Variants in PARP8 observed in about 807,000 individuals in gnomAD.
The protein encoded by PARP8 is protein mono-ADP-ribosyltransferase PARP8.
PARP8 carries 51 observed loss-of-function variants against 124.1 expected under a neutral mutation model. That is an observed-to-expected ratio of 0.41 (90% CI 0.33 to 0.52). PARP8 has a LOEUF of 0.52. PARP8 is among the 20% of genes least tolerant of loss of function. The pLI, the probability that PARP8 is intolerant of heterozygous loss-of-function variation, is 0.21. For synonymous variants in PARP8, 391 were observed against 361.5 expected (o/e 1.08, Z -0.93); for missense variants, 860 against 1,018.9 (o/e 0.84, Z 2.12).
At chr5:50,689,720 G>T (rs116665628) in intron 2 of PARP8, among the ~76,000 whole-genome samples, 2 of 152,132 alleles carry the variant, frequency 1.3e-5, no homozygotes, top group Non-Finnish European at 2.9e-5. Flanking sequence ...CGAACACTTC[G>T]TGAGGTTGAT....
chr5:50,757,221 G>A (rs1329659393), intron 3 of PARP8: 2 of 454,174 alleles, frequency 4.4e-6, no homozygotes, highest in Admixed American at 2.4e-5. Context: ...AATGGGTAAA[G>A]TAGAAGAAAT....
At chr5:50,760,498 G>C (rs1359109268) in intron 5 of PARP8, 136 bp downstream of exon 5, 1 of 684,296 alleles carries the variant, frequency 1.5e-6, no homozygotes, top group African/African-American at 1.9e-5. Flanking sequence ...ATGGCTCAGG[G>C]GTGTTTGGTA....
rs557163125 is a variant in PARP8 at position 50,675,631 on chromosome 5, A to G, written c.146+7506A>G. Among the ~76,000 whole-genome samples the G allele has an allele frequency of 4.6e-5, 7 of 152,360 alleles. No homozygotes were observed. In the South Asian group the frequency reaches 1.0e-3, roughly 23 times the overall value. On this transcript the variant is annotated intron_variant, in intron 2 of 25. Coordinates refer to ENST00000281631, the MANE Select transcript of PARP8 (RefSeq NM_024615.4). ...CCCGGCCTGTTTTATTGTTTAAAAA[A>G]CAAGTACAGGTTGTTATTATCCAAG...
intron 10 of PARP8, among the ~76,000 whole-genome samples, chr5:50,792,648 A>G (rs1295243349): frequency 1.3e-5 from 2 of 152,080 alleles, no homozygotes; most frequent in Non-Finnish European, 2.9e-5. Context: ...TGATGATCTT[A>G]TTATTACATT....
chr5:50,832,317 CA>C (rs1747074198), intron 22 of PARP8, among the ~76,000 whole-genome samples: 1 of 151,856 alleles, frequency 6.6e-6, no homozygotes, highest in Non-Finnish European at 1.5e-5. Context: ...ATATTACAGA[CA>C]AAAAAACTTA....
At chr5:50,799,945 C>A (rs978950722) in intron 14 of PARP8, among the ~76,000 whole-genome samples, 1 of 152,186 alleles carries the variant, frequency 6.6e-6, no homozygotes, top group Non-Finnish European at 1.5e-5. Flanking sequence ...TTTATCTTCC[C>A]AGCCTTCAAA....
At chr5:50,772,679 CTTTTATTTTTATTTTTAT>C (rs370907172) in intron 7 of PARP8, among the ~76,000 whole-genome samples, 1 of 151,492 alleles carries the variant, frequency 6.6e-6, no homozygotes, top group Non-Finnish European at 1.5e-5. Context: ...GGTCTTTTGC[CTTTTATTTTTATTTTTAT>C]TTTTATTTTT....
chr5:50,711,389 T>TC (rs930449659), intron 2 of PARP8, among the ~76,000 whole-genome samples: 30 of 152,228 alleles, frequency 2.0e-4, no homozygotes, highest in African/African-American at 7.0e-4. Context: ...TGGCCTGCCT[T>TC]CTCCCTCCTC....
chr5:50,832,973 T>A (rs1747151468), intron 23 of PARP8, 119 bp downstream of exon 23: 1 of 814,862 alleles, frequency 1.2e-6, no homozygotes, highest in Non-Finnish European at 2.0e-6. Flanking sequence ...TCATTACTTA[T>A]AAAGGAATAA....
intron 2 of PARP8, among the ~76,000 whole-genome samples, chr5:50,737,551 T>C (rs1282949232): frequency 6.6e-6 from 1 of 152,176 alleles, no homozygotes; most frequent in Non-Finnish European, 1.5e-5. Context: ...TCTTCATCAA[T>C]ATGTTAGAAA....
At chr5:50,746,313 C>G (rs1004149647) in intron 2 of PARP8, among the ~76,000 whole-genome samples, 3 of 152,112 alleles carry the variant, frequency 2.0e-5, no homozygotes, top group African/African-American at 4.8e-5. Flanking sequence ...AAAGGTAGCA[C>G]AAGGGAAATT....
chr5:50,778,585 T>C lies in PARP8; in HGVS notation c.605T>C (p.Val202Ala). ...GAGGAGATTGCTGTGGCTTGGGAAG[T>C]AATTCGAACAGAACCTATAATTGTT... is the stretch of plus-strand genomic sequence containing the variant. The part of the protein sequence containing the change: ...LDEEIAVAWE[V>A]IRTEPIIVRL... Residue 202 changes from valine (V) to alanine (A), a missense_variant, in exon 9 of 26, where the codon GTA (valine) becomes GCA (alanine). Transcript: ENST00000281631. 6.2e-7 allele frequency: 1 copy of C among 1,609,752 alleles called. No individual in the cohort carries two copies. Among genetic ancestry groups the C allele is most frequent in the Non-Finnish European group, 8.5e-7 (1 of 1,178,578 alleles).
chr5:50,675,835 T>C (rs904467382), intron 2 of PARP8, among the ~76,000 whole-genome samples: 1 of 152,066 alleles, frequency 6.6e-6, no homozygotes, highest in Non-Finnish European at 1.5e-5. Flanking sequence ...AAGAGTGATG[T>C]CACATTAAAA....
rs570582005 is a variant in PARP8 at position 50,761,059 on chromosome 5, T to A, written c.345+697T>A. ...TATAAAACCCAAATTTCCTTTTGCA[T>A]ATTTTTTTGTTTGTTTTCCTTAAGA... On this transcript the variant is annotated intron_variant, in intron 5 of 25. Coordinates refer to ENST00000281631, the MANE Select transcript of PARP8 (RefSeq NM_024615.4). 1.1e-4 allele frequency among the ~76,000 whole-genome samples: 16 copies of A among 152,230 alleles called. No homozygotes were observed. In the East Asian group the frequency reaches 3.1e-3, roughly 29 times the overall value.
chr5:50,682,154 A>C (rs1751365698), intron 2 of PARP8, among the ~76,000 whole-genome samples: 1 of 152,172 alleles, frequency 6.6e-6, no homozygotes, highest in South Asian at 2.1e-4. Context: ...AGATGGATAG[A>C]ATTTTGCTGT....
chr5:50,708,780 A>G (rs1157060201), intron 2 of PARP8, among the ~76,000 whole-genome samples: 2 of 150,004 alleles, frequency 1.3e-5, no homozygotes, highest in African/African-American at 2.5e-5. Context: ...TTTTTTTTTC[A>G]ATTATTGTTA....
chr5:50,752,032 C>A lies in PARP8; in HGVS notation c.184+1844C>A, dbSNP rs191930041. On this transcript the variant is annotated intron_variant, in intron 3 of 25. Coordinates refer to ENST00000281631, the MANE Select transcript of PARP8 (RefSeq NM_024615.4). ...TTTTAATAATAGATATGAAAGTTGG[C>A]AGCTTTGTCCCTTTTTTCAAAATTA... is the stretch of plus-strand genomic sequence containing the variant. 3.2e-3 allele frequency among the ~76,000 whole-genome samples: 486 copies of A among 152,108 alleles called. 1 individual carries two copies. The highest frequency in any genetic ancestry group is 5.1e-3 in the Non-Finnish European group (347 of 67,936).
In PARP8 at chr5:50,845,250, A is replaced by T. The variant is rs1689356810; in HGVS notation, c.*3182A>T. On this transcript the variant is annotated 3_prime_UTR_variant, in exon 26 of 26. Coordinates refer to ENST00000281631, the MANE Select transcript of PARP8 (RefSeq NM_024615.4). ...TTTGTATAATAAAAATATTTTTTAAACTATAACTTGCCTTAGAGCATGGGG... is the reference window on the plus strand; with the variant it reads ...TTTGTATAATAAAAATATTTTTTAATCTATAACTTGCCTTAGAGCATGGGG... 1 of 151,742 alleles carries T rather than the reference A, an allele frequency of 6.6e-6. No individual in the cohort carries two copies. The highest frequency in any genetic ancestry group is 6.6e-5 in the Admixed American group (1 of 15,182). The allele number at this position is 151,742 out of a possible 1,614,324, so 9.4% of individuals were successfully genotyped here. A position where few individuals can be genotyped will look rare whatever the true frequency, so the allele number is the denominator to read the frequency against.
intron 23 of PARP8, 147 bp from the exon 24 acceptor site, chr5:50,833,832 G>T: frequency 1.8e-6 from 1 of 564,166 alleles, no homozygotes; most frequent in South Asian, 2.3e-5. Flanking sequence ...AATATTAAGA[G>T]AGTGCAAGGA....
Sources: gnomAD v4.1 joint callset for allele counts (sites outside exome capture counted in the v4.1 genomes callset) on GRCh38, gnomAD v4.1.1 for gene constraint, MANE v1.5 for transcripts, NCBI Gene and HGNC (gene_info 2026-07-23, HGNC 2026-07-21) for gene names.